The following FHOD3 variants were observed in gnomAD, a reference collection of about 807,000 sequenced individuals.
FHOD3 encodes FH1/FH2 domain-containing protein 3.
Under a neutral mutation model 173.0 loss-of-function variants are expected in FHOD3, and 90 were observed. The ratio of observed to expected loss-of-function variants is 0.52; its 90% CI spans 0.44 to 0.62. The LOEUF is 0.62. Among genes scored for constraint, FHOD3 ranks in the 20% least tolerant of loss-of-function variants. The pLI is 0.00. For missense variants in FHOD3, 1,945 were observed against 2,034.7 expected, an observed-to-expected ratio of 0.96 and a Z score of 0.85; for synonymous variants, 828 against 823.0, an observed-to-expected ratio of 1.01 and a Z score of -0.10.
intron 3 of FHOD3, among the ~76,000 whole-genome samples, chr18:36,485,826 C>T (rs1041199060): frequency 1.3e-5 from 2 of 152,108 alleles, no homozygotes; most frequent in African/African-American, 4.8e-5. Flanking sequence ...ATGGTGCTGC[C>T]CATCATAGGA....
intron 3 of FHOD3, among the ~76,000 whole-genome samples, chr18:36,450,525 C>A (rs2051785926): frequency 1.3e-5 from 2 of 151,700 alleles, no homozygotes; most frequent in East Asian, 3.9e-4. Flanking sequence ...GGCACGGTGG[C>A]TCAAGCCTGT....
intron 5 of FHOD3, among the ~76,000 whole-genome samples, chr18:36,516,844 A>T (rs558407446): frequency 1.2e-4 from 19 of 152,344 alleles, no homozygotes; most frequent in African/African-American, 4.6e-4. Flanking sequence ...TCATGAAGCC[A>T]CCTGAGGAGC....
chr18:36,709,099 T>C lies in FHOD3; in HGVS notation c.2241T>C (p.Ser747=). Residue 747 remains serine (S), a synonymous_variant, in exon 18 of 29, where the codon AGT becomes AGC. Coordinates refer to ENST00000590592, the MANE Select transcript of FHOD3 (RefSeq NM_001281740.3). ...SPGTPHHPQA[S]AGDPEPESEA... ...CTCCATTGTTGTCTCCACCAGCAAG[T>C]GCCGGGGATCCTGAACCCGAATCAG... 1.2e-6 allele frequency: 2 copies of C among 1,611,814 alleles called. No homozygotes were observed. Among genetic ancestry groups the C allele is most frequent in the African/African-American group, 2.7e-5 (2 of 74,958 alleles).
At chr18:36,617,060 G>C (rs1410047174) in intron 9 of FHOD3, among the ~76,000 whole-genome samples, 1 of 152,202 alleles carries the variant, frequency 6.6e-6, no homozygotes, top group Non-Finnish European at 1.5e-5. Flanking sequence ...AGAGAGTCAT[G>C]GCTCACAAAT....
intron 7 of FHOD3, among the ~76,000 whole-genome samples, chr18:36,596,381 C>G (rs1483940897): frequency 8.3e-6 from 1 of 121,142 alleles, no homozygotes; most frequent in Non-Finnish European, 1.6e-5. Flanking sequence ...GACAGGGTAT[C>G]ACCGTGTTAG....
At chr18:36,591,947 G>A (rs527644004) in intron 6 of FHOD3, among the ~76,000 whole-genome samples, 9 of 150,356 alleles carry the variant, frequency 6.0e-5, no homozygotes, top group South Asian at 2.1e-4. Context: ...GGCTGGGCAC[G>A]ATGGCTCATG....
In FHOD3 at chr18:36,755,310, A is replaced by T. The variant is rs1170326208; in HGVS notation, c.4424A>T (p.Asp1475Val). The T allele has an allele frequency of 2.1e-5, 33 of 1,541,770 alleles. No homozygotes were observed. The highest frequency in any genetic ancestry group is 2.9e-5 in the Non-Finnish European group (33 of 1,136,638). Residue 1475 changes from aspartate (D) to valine (V), a missense_variant and splice_region_variant, in exon 25 of 29, where the codon GAT becomes GTT. This residue lies in a region of FHOD3 where 354 missense variants were observed against 359.9 expected (regional missense o/e 0.98). Coordinates refer to ENST00000590592, the MANE Select transcript of FHOD3 (RefSeq NM_001281740.3). ...AAGACCAGAGGGAAGATGATCACCG[A>T]TGTAAGTTTCACACAATCCCTCTCC... is the stretch of plus-strand genomic sequence containing the variant. ...RNKTRGKMITDTDEEEEVESG... is the reference protein window; with the variant it reads ...RNKTRGKMITVTDEEEEVESG...
chr18:36,421,518 A>G (rs991506792), intron 3 of FHOD3, among the ~76,000 whole-genome samples: 2 of 152,222 alleles, frequency 1.3e-5, no homozygotes, highest in African/African-American at 4.8e-5. Context: ...TATGGCTTCC[A>G]TTTTAGAATG....
intron 6 of FHOD3, among the ~76,000 whole-genome samples, chr18:36,592,275 A>G (rs1477090284): frequency 6.6e-6 from 1 of 152,216 alleles, no homozygotes; most frequent in African/African-American, 2.4e-5. Flanking sequence ...CCTTTAAGTA[A>G]AAGAGTCAGG....
chr18:36,594,733 C>T, intron 6 of FHOD3, 54 bp from the exon 7 acceptor site: 1 of 1,322,850 alleles, frequency 7.6e-7, no homozygotes, highest in Non-Finnish European at 1.1e-6. Flanking sequence ...AAGATGCTCT[C>T]TGGTGCACAG....
intron 2 of FHOD3, among the ~76,000 whole-genome samples, chr18:36,357,710 A>T (rs117472838): frequency 0.013 from 2,035 of 152,348 alleles, 23 homozygotes; most frequent in Middle Eastern, 0.024. Context: ...ATCCTTTCAT[A>T]TAAGTTGTCA....
intron 14 of FHOD3, among the ~76,000 whole-genome samples, chr18:36,659,214 G>C (rs2036617815): frequency 6.6e-6 from 1 of 152,202 alleles, no homozygotes; most frequent in South Asian, 2.1e-4. Context: ...GGGAGGTCCA[G>C]TGGGGTTTGC....
At chr18:36,504,096 T>C (rs528548659) in intron 4 of FHOD3, among the ~76,000 whole-genome samples, 1 of 152,278 alleles carries the variant, frequency 6.6e-6, no homozygotes, top group African/African-American at 2.4e-5. Context: ...AATTTTTATA[T>C]TTTTAGTAGA....
At chr18:36,512,082 A>T (rs1322235924) in intron 4 of FHOD3, among the ~76,000 whole-genome samples, 1 of 152,254 alleles carries the variant, frequency 6.6e-6, no homozygotes, top group Non-Finnish European at 1.5e-5. Flanking sequence ...TGCAGTAGAA[A>T]ACCAGCAAGC....
At chr18:36,327,449 G>A (rs7228691) in intron 1 of FHOD3, among the ~76,000 whole-genome samples, 18,973 of 152,268 alleles carry the variant, frequency 0.12, 3,198 homozygotes, top group African/African-American at 0.38. Flanking sequence ...CATCTAATAT[G>A]TTGTGAGCCA....
Position 36,534,236 on chromosome 18 carries a change from A to C in FHOD3, c.511+21693A>C, listed in dbSNP as rs550937336. Among the ~76,000 whole-genome samples the C allele has an allele frequency of 1.1e-3, 174 of 152,354 alleles. 6 individuals are homozygous for C. The South Asian group carries it at 0.032, about 28-fold the overall frequency. On this transcript the variant is annotated intron_variant, in intron 5 of 28. Coordinates refer to ENST00000590592, the MANE Select transcript of FHOD3 (RefSeq NM_001281740.3). ...TCTCCTATGTGGTTTAGGGGAGCAT[A>C]AAACCACAGCTAAGTCAGGGGTGTG... is the stretch of plus-strand genomic sequence containing the variant.
chr18:36,404,260 G>C (rs2048957476), intron 3 of FHOD3, among the ~76,000 whole-genome samples: 1 of 152,156 alleles, frequency 6.6e-6, no homozygotes, highest in Non-Finnish European at 1.5e-5. Context: ...TTGCCTGCTT[G>C]GGGTGTTGGT....
intron 24 of FHOD3, among the ~76,000 whole-genome samples, chr18:36,750,685 G>A (rs2042366784): frequency 6.6e-6 from 1 of 152,136 alleles, no homozygotes; most frequent in Admixed American, 6.5e-5. Flanking sequence ...TAAGGAAAGT[G>A]TCCAATCTTC....
intron 20 of FHOD3, among the ~76,000 whole-genome samples, 175 bp from the exon 21 acceptor site, chr18:36,740,481 G>A (rs1257486468): frequency 6.6e-6 from 1 of 152,084 alleles, no homozygotes; most frequent in Non-Finnish European, 1.5e-5. Flanking sequence ...ATGTGTGTGA[G>A]ACCCTGAAAA....
Sources: allele counts gnomAD v4.1 joint callset (sites outside exome capture counted in the v4.1 genomes callset), GRCh38; gene constraint gnomAD v4.1.1; regional missense constraint gnomAD v4.1.1; transcripts MANE v1.5; gene names NCBI Gene and HGNC (gene_info 2026-07-23, HGNC 2026-07-21).